CACNA1E: variants seen among roughly 807,000 people sequenced by gnomAD.
The protein encoded by CACNA1E is voltage-dependent R-type calcium channel subunit alpha-1E.
CACNA1E carries 40 observed loss-of-function variants against 259.2 expected under a neutral mutation model. The ratio of observed to expected loss-of-function variants is 0.15; its 90% CI spans 0.12 to 0.20. The LOEUF (loss-of-function observed/expected upper bound fraction) is 0.20. Ranked by LOEUF, CACNA1E falls within the 10% of genes least tolerant of loss-of-function variation. The probability of loss-of-function intolerance (pLI) is 1.00; values close to 1 mark genes in which losing one functional copy is unlikely to be tolerated. For missense variants in CACNA1E, 1,874 were observed against 3,040.1 expected (o/e 0.62, Z 9.02); for synonymous variants, 1,104 against 1,138.5 (o/e 0.97, Z 0.61).
At chr1:181,464,397 A>C (rs1485437480) in intron 2 of CACNA1E, among the ~76,000 whole-genome samples, 2 of 151,902 alleles carry the variant, frequency 1.3e-5, no homozygotes, top group African/African-American at 2.4e-5. Flanking sequence ...GCTTTCTTAA[A>C]GTCCCTCAAG....
chr1:181,625,505 A>G (rs776387363), intron 6 of CACNA1E, among the ~76,000 whole-genome samples: 20 of 152,278 alleles, frequency 1.3e-4, no homozygotes, highest in Middle Eastern at 3.4e-3. Context: ...TTGCACTTTC[A>G]TGTATGGAAA....
At chr1:181,535,192 A>G (rs1355000625) in intron 3 of CACNA1E, among the ~76,000 whole-genome samples, 1 of 152,180 alleles carries the variant, frequency 6.6e-6, no homozygotes, top group Admixed American at 6.5e-5. Flanking sequence ...AATGCAACAA[A>G]AATTTAGGGG....
At chr1:181,328,827 G>A (rs558785857) in intron 1 of CACNA1E, among the ~76,000 whole-genome samples, 25 of 152,134 alleles carry the variant, frequency 1.6e-4, no homozygotes, top group South Asian at 4.1e-4. Flanking sequence ...AGGCCCTCAC[G>A]CCAAAGTTGG....
At chr1:181,679,888 C>T (rs79731957) in intron 7 of CACNA1E, among the ~76,000 whole-genome samples, 9 of 151,886 alleles carry the variant, frequency 5.9e-5, no homozygotes, top group East Asian at 1.9e-4. Flanking sequence ...GGAGGCTGAG[C>T]GGGGAGAATC....
At chr1:181,731,311 A>G in intron 19 of CACNA1E, 80 bp downstream of exon 19, 1 of 1,107,578 alleles carries the variant, frequency 9.0e-7, no homozygotes, top group Non-Finnish European at 1.4e-6. Context: ...TGCCATAGAC[A>G]AAGTGGCACT....
chr1:181,496,720 C>T (rs531572392), intron 1 of CACNA1E, among the ~76,000 whole-genome samples: 90 of 152,080 alleles, frequency 5.9e-4, no homozygotes, highest in Non-Finnish European at 8.2e-4. Context: ...CTGGTGTGGA[C>T]GAGAATGGAG....
At chr1:181,618,130 A>G (rs1023861115) in intron 6 of CACNA1E, among the ~76,000 whole-genome samples, 5 of 152,184 alleles carry the variant, frequency 3.3e-5, no homozygotes, top group Non-Finnish European at 7.3e-5. Context: ...AATTGGCTGT[A>G]TGTCTGTATT....
intron 27 of CACNA1E, among the ~76,000 whole-genome samples, chr1:181,754,066 C>G (rs1209964108): frequency 2.6e-5 from 4 of 152,206 alleles, no homozygotes; most frequent in African/African-American, 9.7e-5. Flanking sequence ...TGGGTTCTGC[C>G]TCACACACAG....
At chr1:181,641,821 C>A (rs1162378085) in intron 6 of CACNA1E, among the ~76,000 whole-genome samples, 2 of 139,710 alleles carry the variant, frequency 1.4e-5, no homozygotes, top group East Asian at 4.5e-4. Context: ...TCAAGCGATT[C>A]TTCTGCCTCA....
intron 42 of CACNA1E, 97 bp downstream of exon 42, chr1:181,785,515 CT>C: frequency 1.0e-6 from 1 of 959,276 alleles, no homozygotes; most frequent in Non-Finnish European, 1.7e-6. Context: ...CCGGCAAGGA[CT>C]TAGAAGCAGC....
chr1:181,513,996 T>C lies in CACNA1E; in HGVS notation c.512+2486T>C, dbSNP rs1469105532. 3.9e-5 allele frequency among the ~76,000 whole-genome samples: 6 copies of C among 152,314 alleles called. No homozygotes were observed. In the East Asian group the frequency reaches 1.2e-3, roughly 29 times the overall value. On this transcript the variant is annotated intron_variant, in intron 3 of 47. Transcript: ENST00000367573. Reference sequence around the variant, plus strand: ...CTCCTCCAGACCTGCTGCTTAGCCCTCTTCTCAGCATGGACCGTTCCCTTT... The same window carrying C: ...CTCCTCCAGACCTGCTGCTTAGCCCCCTTCTCAGCATGGACCGTTCCCTTT...
chr1:181,691,278 A>G (rs949238509), intron 7 of CACNA1E, among the ~76,000 whole-genome samples: 2 of 151,936 alleles, frequency 1.3e-5, no homozygotes, highest in African/African-American at 4.8e-5. Flanking sequence ...GATATTGTAC[A>G]TATTTGGTCA....
chr1:181,528,055 T>C (rs866784423), intron 3 of CACNA1E, among the ~76,000 whole-genome samples: 1 of 151,482 alleles, frequency 6.6e-6, no homozygotes, highest in Non-Finnish European at 1.5e-5. Flanking sequence ...TCCCCATCTT[T>C]CCACTTCTGA....
chr1:181,416,503 G>A (rs1435873960), intron 2 of CACNA1E, among the ~76,000 whole-genome samples: 1 of 152,146 alleles, frequency 6.6e-6, no homozygotes, highest in African/African-American at 2.4e-5. Flanking sequence ...TTGGGGCACG[G>A]TTTCACTAAT....
rs191057198 is a variant in CACNA1E, at chr1:181,605,454, G to A, written c.951+24678G>A. On this transcript the variant is annotated intron_variant, in intron 6 of 47. Transcript: ENST00000367573. ...CTCAGGCCAAACACACACGAGAAGA[G>A]TATCGTATTGTGTTTCCTTTTCTTC... Among the ~76,000 whole-genome samples, 84 of 152,178 alleles carry A rather than the reference G, an allele frequency of 5.5e-4. 1 individual carries two copies. The highest frequency in any genetic ancestry group is 1.6e-3 in the African/African-American group (66 of 41,506).
At chr1:181,421,920 G>T (rs1023651974) in intron 2 of CACNA1E, among the ~76,000 whole-genome samples, 1 of 152,046 alleles carries the variant, frequency 6.6e-6, no homozygotes, top group African/African-American at 2.4e-5. Context: ...AACTCTTTTT[G>T]CTGGCTCATA....
intron 2 of CACNA1E, among the ~76,000 whole-genome samples, chr1:181,443,906 T>C (rs1211193072): frequency 6.6e-6 from 1 of 152,224 alleles, no homozygotes; most frequent in Non-Finnish European, 1.5e-5. Context: ...AATAATTTAG[T>C]TTCATAGTAC....
intron 6 of CACNA1E, among the ~76,000 whole-genome samples, chr1:181,600,344 G>A (rs1490161283): frequency 6.6e-6 from 1 of 152,188 alleles, no homozygotes; most frequent in African/African-American, 2.4e-5. Context: ...CGAGTGTGAT[G>A]GGAAGTCTTT....
At chr1:181,460,061 C>T (rs1470241581) in intron 2 of CACNA1E, among the ~76,000 whole-genome samples, 1 of 152,174 alleles carries the variant, frequency 6.6e-6, no homozygotes, top group African/African-American at 2.4e-5. Context: ...GCACCTGAAC[C>T]CTTGCCTCAG....
Sources: gnomAD v4.1 joint callset for allele counts (sites outside exome capture counted in the v4.1 genomes callset) on GRCh38, gnomAD v4.1.1 for gene constraint, MANE v1.5 for transcripts, NCBI Gene and HGNC (gene_info 2026-07-23, HGNC 2026-07-21) for gene names.